The following GPM6A variants were observed in gnomAD, a reference collection of about 807,000 sequenced individuals.
GPM6A encodes the protein glycoprotein M6A.
In GPM6A, 7 loss-of-function variants were observed where a neutral mutation model predicts 32.1. The observed-to-expected ratio is 0.22, with a 90% CI of 0.12 to 0.41. GPM6A has a LOEUF of 0.41. GPM6A is among the 10% of genes least tolerant of loss of function. GPM6A has a pLI of 1.00. For missense variants in GPM6A, 235 were observed against 347.2 expected (o/e 0.68, Z 2.57); for synonymous variants, 130 against 123.4 (o/e 1.05, Z -0.35).
At chr4:175,643,290 ACT>A (rs1741262367) in intron 4 of GPM6A, among the ~76,000 whole-genome samples, 1 of 151,926 alleles carries the variant, frequency 6.6e-6, no homozygotes, top group African/African-American at 2.4e-5. Flanking sequence ...ATCTGTAATG[ACT>A]CTCTACTCCC....
At chr4:175,839,856 T>C (rs926921874) in intron 1 of GPM6A, among the ~76,000 whole-genome samples, 4 of 152,220 alleles carry the variant, frequency 2.6e-5, no homozygotes, top group East Asian at 1.9e-4. Context: ...AAAGAATTTA[T>C]AGGAGATCCT....
intron 1 of GPM6A, among the ~76,000 whole-genome samples, chr4:175,732,206 C>T (rs1221861170): frequency 6.6e-6 from 1 of 151,994 alleles, no homozygotes; most frequent in Admixed American, 6.6e-5. Context: ...ACCTCGTGAT[C>T]CGCCCGCCTC....
chr4:175,761,261 T>G (rs1732727862), intron 1 of GPM6A, among the ~76,000 whole-genome samples: 1 of 152,170 alleles, frequency 6.6e-6, no homozygotes, highest in Admixed American at 6.6e-5. Context: ...TGTCTGCCTG[T>G]TTTTGTATTT....
intron 1 of GPM6A, among the ~76,000 whole-genome samples, chr4:175,922,999 C>A (rs1738715851): frequency 6.6e-6 from 1 of 151,872 alleles, no homozygotes; most frequent in South Asian, 2.1e-4. Flanking sequence ...TTTATCTGTA[C>A]TGGTAACTAA....
chr4:175,765,237 C>A (rs1292443815), intron 1 of GPM6A, among the ~76,000 whole-genome samples: 1 of 152,078 alleles, frequency 6.6e-6, no homozygotes, highest in East Asian at 1.9e-4. Context: ...ATCTTCAAAT[C>A]ATATGCAAAC....
chr4:175,642,943 T>A (rs1741233602), intron 4 of GPM6A, among the ~76,000 whole-genome samples: 1 of 152,202 alleles, frequency 6.6e-6, no homozygotes, highest in African/African-American at 2.4e-5. Context: ...AGCAAACACT[T>A]CTCATAGCCT....
intron 1 of GPM6A, among the ~76,000 whole-genome samples, chr4:175,973,998 C>T (rs937068101): frequency 2.6e-5 from 4 of 151,980 alleles, no homozygotes; most frequent in Admixed American, 6.6e-5. Context: ...TTTGGGAGGC[C>T]GAGGCAGGTA....
chr4:175,962,443 G>A (rs910680052), intron 1 of GPM6A: 8 of 685,828 alleles, frequency 1.2e-5, no homozygotes, highest in South Asian at 9.8e-5. Context: ...CACCAACCTA[G>A]GACAATAAGG....
chr4:175,797,717 G>A (rs773596929), intron 1 of GPM6A, among the ~76,000 whole-genome samples: 1 of 152,144 alleles, frequency 6.6e-6, no homozygotes, highest in Non-Finnish European at 1.5e-5. Context: ...GTACATGATT[G>A]TAGGCTTCGA....
intron 1 of GPM6A, among the ~76,000 whole-genome samples, chr4:175,799,671 C>CTTTTCTTTTCTT (rs1553990617): frequency 1.6e-5 from 2 of 122,098 alleles, no homozygotes; most frequent in African/African-American, 5.7e-5. Context: ...CAAGTGTTTT[C>CTTTTCTTTTCTT]TTTTTTTTTT....
intron 1 of GPM6A, among the ~76,000 whole-genome samples, chr4:175,883,757 A>C (rs1322054098): frequency 6.6e-6 from 1 of 152,202 alleles, no homozygotes; most frequent in Admixed American, 6.5e-5. Flanking sequence ...TCAAAAGTAC[A>C]TCTGTCTCAG....
chr4:175,924,778 T>C (rs758867735), intron 1 of GPM6A, among the ~76,000 whole-genome samples: 7 of 149,882 alleles, frequency 4.7e-5, no homozygotes, highest in African/African-American at 1.5e-4. Flanking sequence ...AGGCAGAGTT[T>C]GCAGTGAGTG....
intron 1 of GPM6A, among the ~76,000 whole-genome samples, chr4:175,736,651 T>A (rs1039829770): frequency 1.5e-4 from 23 of 152,244 alleles, no homozygotes; most frequent in African/African-American, 5.5e-4. Flanking sequence ...GCCTTCAGAT[T>A]TATTTTAACA....
chr4:175,851,923 A>C (rs1736272134), intron 1 of GPM6A, among the ~76,000 whole-genome samples: 1 of 152,314 alleles, frequency 6.6e-6, no homozygotes, highest in South Asian at 2.1e-4. Flanking sequence ...AAACAAAAAA[A>C]AGAGGACAGT....
chr4:175,960,704 A>C (rs945710518), intron 1 of GPM6A: 9 of 152,202 alleles, frequency 5.9e-5, no homozygotes, highest in Non-Finnish European at 1.0e-4. Flanking sequence ...TAATATAATT[A>C]TCCCACATAC....
At chr4:175,930,435 T>G (rs57713810) in intron 1 of GPM6A, among the ~76,000 whole-genome samples, 85,095 of 133,762 alleles carry the variant, frequency 0.64, 27,107 homozygotes, top group East Asian at 0.72. Flanking sequence ...TGGGGGGGGG[T>G]TTTTTTGTTG....
At chr4:175,875,111 C>T (rs1027002013) in intron 1 of GPM6A, among the ~76,000 whole-genome samples, 2 of 152,148 alleles carry the variant, frequency 1.3e-5, no homozygotes, top group African/African-American at 2.4e-5. Flanking sequence ...AAATTTACTC[C>T]TGGGACTTTG....
chr4:175,965,937 A>G (rs1331834962), intron 1 of GPM6A, among the ~76,000 whole-genome samples: 1 of 152,118 alleles, frequency 6.6e-6, no homozygotes, highest in Non-Finnish European at 1.5e-5. Context: ...TGTTGAATCC[A>G]TAGACATTTA....
At chr4:175,782,532 C>A (rs1222496597) in intron 1 of GPM6A, among the ~76,000 whole-genome samples, 1 of 152,052 alleles carries the variant, frequency 6.6e-6, no homozygotes. Context: ...CTTTGTTCAT[C>A]ATTGTTTTCT....
Sources: gnomAD v4.1 joint callset for allele counts (sites outside exome capture counted in the v4.1 genomes callset) on GRCh38, gnomAD v4.1.1 for gene constraint, MANE v1.5 for transcripts, NCBI Gene and HGNC (gene_info 2026-07-23, HGNC 2026-07-21) for gene names.